Variants in FAT4 observed in about 807,000 individuals in gnomAD.
The protein encoded by FAT4 is FAT atypical cadherin 4.
FAT4 carries 84 observed loss-of-function variants against 303.9 expected under a neutral mutation model. The observed-to-expected ratio is 0.28, with a 90% confidence interval of 0.23 to 0.33. The LOEUF is 0.33. Ranked by LOEUF, FAT4 falls within the 10% of genes least tolerant of loss-of-function variation. FAT4 has a pLI of 1.00. For missense variants in FAT4, 6,005 were observed against 6,146.8 expected (o/e 0.98, Z 0.77); for synonymous variants, 2,307 against 2,298.8 (o/e 1.00, Z -0.10).
intron 12 of FAT4, among the ~76,000 whole-genome samples, chr4:125,470,539 A>G (rs1726822675): frequency 6.6e-6 from 1 of 152,200 alleles, no homozygotes; most frequent in Non-Finnish European, 1.5e-5. Flanking sequence ...TGCAGCTTCT[A>G]TATCACCATT....
chr4:125,355,932 C>T (rs918567648), intron 2 of FAT4, among the ~76,000 whole-genome samples: 1 of 151,952 alleles, frequency 6.6e-6, no homozygotes, highest in African/African-American at 2.4e-5. Flanking sequence ...CAGTTGCACC[C>T]CTTGATTGAC....
intron 17 of FAT4, 31 bp from the exon 18 acceptor site, chr4:125,489,870 T>TTTTTTTTTAA: frequency 2.5e-6 from 3 of 1,185,628 alleles, no homozygotes; most frequent in Non-Finnish European, 3.3e-6. Context: ...TTTTTTTTTG[T>TTTTTTTTTAA]AAAAAGCCTT....
rs1730578316 is a variant in FAT4 at position 125,316,215 on chromosome 4, C to G, written c.-12-185C>G. Among the ~76,000 whole-genome samples, 1 of 152,170 alleles carries G rather than the reference C, an allele frequency of 6.6e-6. No individual in the cohort carries two copies. The highest frequency in any genetic ancestry group is 2.4e-5 in the African/African-American group (1 of 41,446). On this transcript the variant is annotated intron_variant, in intron 1 of 17. Transcript: ENST00000394329. This position sits in a 1 kb window ranked among gnomAD's most constrained non-coding sequence, Gnocchi z 5.7. ...TTCGCCACAGCATCTCTCTTGCACTCCGCGTTCAACTGGCTACCTAGAGTC... is the reference window on the plus strand; with the variant it reads ...TTCGCCACAGCATCTCTCTTGCACTGCGCGTTCAACTGGCTACCTAGAGTC...
chr4:125,427,707 T>G (rs1003271135), intron 7 of FAT4, among the ~76,000 whole-genome samples: 3 of 152,140 alleles, frequency 2.0e-5, no homozygotes, highest in African/African-American at 7.2e-5. Flanking sequence ...AAAAAGAAGC[T>G]AATACTTTAT....
intron 2 of FAT4, among the ~76,000 whole-genome samples, chr4:125,346,443 A>C (rs149543162): frequency 1.0e-3 from 156 of 152,116 alleles, no homozygotes; most frequent in African/African-American, 3.6e-3. Context: ...ATGAGCACAA[A>C]ACCTCATTTT....
At position 125,316,040 on chromosome 4, in the gene FAT4, G is replaced by A. The variant is rs1730568377; in HGVS notation, c.-13+63G>A. Among the ~76,000 whole-genome samples the A allele has an allele frequency of 6.6e-6, 1 of 152,088 alleles. No homozygotes were observed. Among genetic ancestry groups the A allele is most frequent in the Admixed American group, 6.6e-5 (1 of 15,262 alleles). ...GATTCCTCATATACCTTAGATACAGGCAACTTCTCCCAACTCTCATCCACC... is the reference window on the plus strand; with the variant it reads ...GATTCCTCATATACCTTAGATACAGACAACTTCTCCCAACTCTCATCCACC... On this transcript the variant is annotated intron_variant, in intron 1 of 17. Coordinates refer to ENST00000394329, the MANE Select transcript of FAT4 (RefSeq NM_001291303.3). The surrounding 1 kb of genome is among the most constrained non-coding windows in gnomAD (Gnocchi z 5.7).
chr4:125,477,260 T>C lies in FAT4; in HGVS notation c.12405T>C (p.Cys4135=). 3 of 1,578,840 alleles carry C rather than the reference T, an allele frequency of 1.9e-6. No individual in the cohort carries two copies. The highest frequency in any genetic ancestry group is 2.6e-6 in the Non-Finnish European group (3 of 1,160,762). The change falls in exon 14 of 18, where the codon TGT becomes TGC. Residue 4135 remains cysteine, a synonymous_variant. Coordinates refer to ENST00000394329, the MANE Select transcript of FAT4 (RefSeq NM_001291303.3). ...GHVESHDFVG[C]IMEFAVNGRP... ...TGGAAAGCCATGATTTTGTTGGGTG[T>C]ATAATGGAGTTTGCAGTCAATGGAA...
At chr4:125,471,817 C>T (rs867514014) in intron 12 of FAT4, among the ~76,000 whole-genome samples, 2 of 137,502 alleles carry the variant, frequency 1.5e-5, no homozygotes, top group South Asian at 4.7e-4. Context: ...TTTGGGAGGC[C>T]GAGGCGGGCG....
intron 12 of FAT4, among the ~76,000 whole-genome samples, chr4:125,471,814 G>T (rs968940765): frequency 3.4e-4 from 49 of 144,650 alleles, no homozygotes; most frequent in Admixed American, 3.4e-3. Flanking sequence ...CACTTTGGGA[G>T]GCCGAGGCGG....
intron 7 of FAT4, among the ~76,000 whole-genome samples, chr4:125,426,717 T>G (rs1725100322): frequency 6.6e-6 from 1 of 152,050 alleles, no homozygotes; most frequent in Non-Finnish European, 1.5e-5. Flanking sequence ...TCAGGTTCCA[T>G]AGAATTGAAA....
chr4:125,318,153 T>G lies in FAT4; in HGVS notation c.1742T>G (p.Val581Gly). ...TLLDVNDEKP[V>G]FSQPEGYDVS... ...CTAGATGTGAATGATGAAAAGCCAG[T>G]ATTTAGCCAGCCAGAAGGGTATGAT... The change falls in exon 2 of 18, where the codon GTA becomes GGA. Residue 581 changes from valine to glycine, a missense_variant. Val to Gly is a moderately radical substitution (Grantham distance 109, BLOSUM62 -3). Transcript: ENST00000394329. 1 of 1,614,140 alleles carries G rather than the reference T, an allele frequency of 6.2e-7. No homozygotes were observed. Among genetic ancestry groups the G allele is most frequent in the South Asian group, 1.1e-5 (1 of 91,082 alleles).
At chr4:125,453,438 G>A (rs1726167415) in intron 10 of FAT4, among the ~76,000 whole-genome samples, 1 of 152,174 alleles carries the variant, frequency 6.6e-6, no homozygotes, top group African/African-American at 2.4e-5. Context: ...GCCAGGCAAG[G>A]TGGCTCATGC....
At chr4:125,334,059 C>A (rs1451112366) in intron 2 of FAT4, among the ~76,000 whole-genome samples, 1 of 151,968 alleles carries the variant, frequency 6.6e-6, no homozygotes, top group Non-Finnish European at 1.5e-5. Flanking sequence ...ACTCATATAA[C>A]ACACTTAGTT....
chr4:125,457,813 C>T (rs963240122), intron 10 of FAT4, among the ~76,000 whole-genome samples: 1 of 152,002 alleles, frequency 6.6e-6, no homozygotes, highest in Non-Finnish European at 1.5e-5. Flanking sequence ...TTATTCCTGC[C>T]ACATAAGTCT....
Position 125,491,924 on chromosome 4 carries a change from A to G in FAT4, c.*156A>G, listed in dbSNP as rs944370494. 2 of 685,880 alleles carry G rather than the reference A, an allele frequency of 2.9e-6. No individual in the cohort carries two copies. Among genetic ancestry groups the G allele is most frequent in the African/African-American group, 3.6e-5 (2 of 55,328 alleles). The allele number at this position is 685,880 out of a possible 1,614,324, so 42.5% of individuals were successfully genotyped here. A position where few individuals can be genotyped will look rare whatever the true frequency, so the allele number is the denominator to read the frequency against. On this transcript the variant is annotated 3_prime_UTR_variant, in exon 18 of 18. Coordinates refer to ENST00000394329, the MANE Select transcript of FAT4 (RefSeq NM_001291303.3). ...AAATAATAACCACAATGCTGCTGAA[A>G]CAGACTCACAACAACTCTTAATTTA...
chr4:125,416,686 C>A, intron 7 of FAT4, 64 bp downstream of exon 7: 3 of 1,546,292 alleles, frequency 1.9e-6, no homozygotes, highest in Non-Finnish European at 1.8e-6. Flanking sequence ...TGGCTCATGC[C>A]TGTAACCCCA....
At chr4:125,448,145 C>T (rs1278090748) in intron 9 of FAT4, among the ~76,000 whole-genome samples, 1 of 152,054 alleles carries the variant, frequency 6.6e-6, no homozygotes, top group Non-Finnish European at 1.5e-5. Flanking sequence ...AGATTTTTCT[C>T]CTAGAAACTA....
chr4:125,361,424 G>C (rs1044108352), intron 2 of FAT4, among the ~76,000 whole-genome samples: 6 of 152,122 alleles, frequency 3.9e-5, no homozygotes, highest in African/African-American at 1.4e-4. Context: ...ATGGGGTAGA[G>C]GCCCATATGC....
At chr4:125,479,432 G>A (rs1314504870) in intron 14 of FAT4, among the ~76,000 whole-genome samples, 1 of 152,132 alleles carries the variant, frequency 6.6e-6, no homozygotes. Context: ...TGGATCATAT[G>A]TATTAACCAA....
Sources: gnomAD v4.1 joint callset for allele counts (sites outside exome capture counted in the v4.1 genomes callset) on GRCh38, gnomAD v4.1.1 for gene constraint, Gnocchi (gnomAD v3.1) non-coding constraint, MANE v1.5 for transcripts, NCBI Gene and HGNC (gene_info 2026-07-23, HGNC 2026-07-21) for gene names.